Variants in KCNIP4 observed in about 807,000 individuals in gnomAD.
The protein encoded by KCNIP4 is Kv channel-interacting protein 4.
A neutral mutation model predicts 34.0 loss-of-function variants in KCNIP4; 12 were observed. That is an observed-to-expected ratio of 0.35 (90% CI 0.23 to 0.57). The LOEUF (loss-of-function observed/expected upper bound fraction) is 0.57. KCNIP4 is among the 20% of genes least tolerant of loss of function. The pLI is 0.83. For synonymous variants in KCNIP4, 124 were observed against 102.2 expected, an observed-to-expected ratio of 1.21 and a Z score of -1.29; for missense variants, 238 against 311.7, an observed-to-expected ratio of 0.76 and a Z score of 1.78.
At chr4:21,236,075 G>A (rs1168527158) in intron 1 of KCNIP4, among the ~76,000 whole-genome samples, 2 of 151,974 alleles carry the variant, frequency 1.3e-5, no homozygotes, top group East Asian at 1.9e-4. Flanking sequence ...CAGGCAGATC[G>A]CTTGAGTTCA....
chr4:20,780,339 T>C (rs1756765174), intron 3 of KCNIP4, among the ~76,000 whole-genome samples: 1 of 152,098 alleles, frequency 6.6e-6, no homozygotes, highest in South Asian at 2.1e-4. Context: ...AAGAAAATAA[T>C]GGCATTTAAA....
chr4:21,622,044 G>A (rs867039701), intron 1 of KCNIP4, among the ~76,000 whole-genome samples: 8 of 152,310 alleles, frequency 5.3e-5, no homozygotes, highest in African/African-American at 1.9e-4. Context: ...AACTGTGAGT[G>A]CTGGAGAGCT....
intron 1 of KCNIP4, among the ~76,000 whole-genome samples, chr4:21,764,192 A>G (rs1268081005): frequency 6.6e-6 from 1 of 152,152 alleles, no homozygotes; most frequent in Non-Finnish European, 1.5e-5. Flanking sequence ...AAATGATTTC[A>G]GACAATTGCG....
intron 1 of KCNIP4, among the ~76,000 whole-genome samples, chr4:21,325,809 G>A (rs560395287): frequency 1.6e-3 from 250 of 151,824 alleles, no homozygotes; most frequent in South Asian, 2.1e-3. Context: ...ACTATCATTT[G>A]TTTCAAGAAA....
At position 20,807,718 on chromosome 4, in the gene KCNIP4, AT is replaced by A. The variant is rs373288711; in HGVS notation, c.288+42824del. Among the ~76,000 whole-genome samples, 605 of 152,260 alleles carry A rather than the reference AT, an allele frequency of 4.0e-3. 11 individuals are homozygous for A. Among genetic ancestry groups the A allele is most frequent in the Middle Eastern group, 0.02 (6 of 294 alleles). ...TTTCAGAAAGCAGGGAAGAAAACACATTTCTACCTACTGAAAAATGTGCTCA... is the reference window on the plus strand; with the variant it reads ...TTTCAGAAAGCAGGGAAGAAAACACATTCTACCTACTGAAAAATGTGCTCA... On this transcript the variant is annotated intron_variant, in intron 3 of 8. Coordinates refer to ENST00000382152, the MANE Select transcript of KCNIP4 (RefSeq NM_025221.6).
chr4:21,754,638 T>C (rs1717383463), intron 1 of KCNIP4, among the ~76,000 whole-genome samples: 1 of 152,170 alleles, frequency 6.6e-6, no homozygotes, highest in African/African-American at 2.4e-5. Flanking sequence ...TGATCATTAC[T>C]CTAAATTGTC....
chr4:21,464,790 T>C (rs1435226489), intron 1 of KCNIP4: 1 of 152,270 alleles, frequency 6.6e-6, no homozygotes, highest in South Asian at 2.1e-4. Context: ...CAATGTTCCA[T>C]ACCAAAGCAG....
At chr4:21,208,982 A>ATT (rs1757042284) in intron 1 of KCNIP4, among the ~76,000 whole-genome samples, 1 of 152,136 alleles carries the variant, frequency 6.6e-6, no homozygotes, top group Non-Finnish European at 1.5e-5. Flanking sequence ...GCATGGGGGA[A>ATT]ACCATCCCCA....
At position 20,933,043 on chromosome 4, in the gene KCNIP4, C is replaced by T. The variant is rs145070079; in HGVS notation, c.62-50334G>A. The stretch of plus-strand genomic sequence containing the variant: ...GGTGGATCACCTGAGGTCAGGAGTT[C>T]AAGACCAGCCTGGCCAACATAGAGA... On this transcript the variant is annotated intron_variant, in intron 1 of 8. Coordinates refer to ENST00000382152, the MANE Select transcript of KCNIP4 (RefSeq NM_025221.6). Among the ~76,000 whole-genome samples the T allele has an allele frequency of 4.5e-3, 688 of 152,090 alleles. 6 individuals carry two copies. The highest frequency in any genetic ancestry group is 0.015 in the African/African-American group (629 of 41,498).
intron 1 of KCNIP4, among the ~76,000 whole-genome samples, chr4:20,897,595 A>C (rs546282232): frequency 6.6e-6 from 1 of 152,176 alleles, no homozygotes; most frequent in East Asian, 1.9e-4. Flanking sequence ...TAAAGAGGTA[A>C]TTAAGTTAAA....
At chr4:21,304,040 AG>A in intron 1 of KCNIP4, 1 of 429,018 alleles carries the variant, frequency 2.3e-6, no homozygotes, top group Non-Finnish European at 3.0e-6. Flanking sequence ...TGAGAGAGAG[AG>A]AGAGAGAGAG....
chr4:21,888,008 G>A (rs6849606), intron 1 of KCNIP4, among the ~76,000 whole-genome samples: 30,649 of 141,880 alleles, frequency 0.22, 3,791 homozygotes, highest in Non-Finnish European at 0.28. Flanking sequence ...CACTTACTAT[G>A]TGCCAGGTAT....
chr4:21,326,364 T>C (rs1218593183), intron 1 of KCNIP4, among the ~76,000 whole-genome samples: 2 of 151,736 alleles, frequency 1.3e-5, no homozygotes, highest in African/African-American at 4.8e-5. Flanking sequence ...TTATCTCTTC[T>C]TTGTTCTTTT....
intron 1 of KCNIP4, among the ~76,000 whole-genome samples, chr4:21,187,914 A>T (rs1180097366): frequency 6.6e-6 from 1 of 152,172 alleles, no homozygotes; most frequent in Admixed American, 6.5e-5. Context: ...TACTAGACAG[A>T]TAACTTTGGG....
At chr4:21,238,500 T>A (rs1353051381) in intron 1 of KCNIP4, among the ~76,000 whole-genome samples, 1 of 152,170 alleles carries the variant, frequency 6.6e-6, no homozygotes, top group Non-Finnish European at 1.5e-5. Context: ...CAGCTCAAAA[T>A]CTCCTTAAGC....
chr4:21,889,653 T>A (rs1726978441), intron 1 of KCNIP4, among the ~76,000 whole-genome samples: 1 of 152,044 alleles, frequency 6.6e-6, no homozygotes, highest in African/African-American at 2.4e-5. Context: ...ACAACTACCC[T>A]AGGCAGATGG....
intron 3 of KCNIP4, among the ~76,000 whole-genome samples, chr4:20,782,836 C>T (rs1052313607): frequency 6.6e-6 from 1 of 152,174 alleles, no homozygotes; most frequent in African/African-American, 2.4e-5. Context: ...AATTTCTGCT[C>T]AGAAAATGGG....
rs191230507 is a variant in KCNIP4 at position 21,604,515 on chromosome 4, C to T, written c.61+344056G>A. ...AATACCACCTCTATCTTGTTTAACA[C>T]GATATATTTTGCTCCTCAAATGGCA... On this transcript the variant is annotated intron_variant, in intron 1 of 8. Coordinates refer to ENST00000382152, the MANE Select transcript of KCNIP4 (RefSeq NM_025221.6). Among the ~76,000 whole-genome samples the T allele has an allele frequency of 3.3e-3, 503 of 152,026 alleles. 3 individuals are homozygous for T. Among genetic ancestry groups the T allele is most frequent in the Middle Eastern group, 0.014 (4 of 294 alleles).
intron 1 of KCNIP4, among the ~76,000 whole-genome samples, chr4:21,458,235 T>A (rs917340307): frequency 6.8e-6 from 1 of 147,728 alleles, no homozygotes; most frequent in Admixed American, 7.0e-5. Context: ...TGAGTGAGAA[T>A]ATGCGGTGTT....
Sources: allele counts gnomAD v4.1 joint callset (sites outside exome capture counted in the v4.1 genomes callset), GRCh38; gene constraint gnomAD v4.1.1; transcripts MANE v1.5; gene names NCBI Gene and HGNC (gene_info 2026-07-23, HGNC 2026-07-21).